The following DIP2C variants were observed in gnomAD, a reference collection of about 807,000 sequenced individuals.
DIP2C encodes the protein DIP2 acetate--CoA ligase C (putative), also known as disco-interacting protein 2 homolog C.
A neutral mutation model predicts 192.4 loss-of-function variants in DIP2C; 33 were observed. That is an observed-to-expected ratio of 0.17 (90% CI 0.13 to 0.23). The LOEUF is 0.23. Among genes scored for constraint, DIP2C ranks in the 10% least tolerant of loss-of-function variants. The pLI, the probability that DIP2C is intolerant of heterozygous loss-of-function variation, is 1.00. For missense variants in DIP2C, 1,537 were observed against 2,110.1 expected (o/e 0.73, Z 5.32); for synonymous variants, 979 against 864.1 (o/e 1.13, Z -2.33).
At chr10:549,806 A>C (rs1848494312) in intron 1 of DIP2C, among the ~76,000 whole-genome samples, 1 of 152,116 alleles carries the variant, frequency 6.6e-6, no homozygotes, top group Non-Finnish European at 1.5e-5. Context: ...TGTGAGTAAC[A>C]CTAGTCACTA....
intron 1 of DIP2C, among the ~76,000 whole-genome samples, chr10:501,933 C>T (rs150334727): frequency 3.3e-5 from 5 of 152,150 alleles, no homozygotes. Flanking sequence ...TCACTTGAGC[C>T]CAGGAGTCTA....
intron 31 of DIP2C, among the ~76,000 whole-genome samples, chr10:326,581 G>A (rs775148599): frequency 2.0e-5 from 3 of 152,212 alleles, no homozygotes; most frequent in Non-Finnish European, 4.4e-5. Context: ...GCGGCTTTGC[G>A]GTTTCTAAAA....
chr10:664,649 G>A (rs974115302), intron 1 of DIP2C: 11 of 152,100 alleles, frequency 7.2e-5, no homozygotes, highest in Non-Finnish European at 1.5e-4. Context: ...TTGTAAGGAT[G>A]ATTTTTTAAA....
intron 34 of DIP2C, among the ~76,000 whole-genome samples, chr10:286,035 T>C (rs1363128019): frequency 2.0e-5 from 3 of 152,232 alleles, no homozygotes; most frequent in East Asian, 3.8e-4. Flanking sequence ...TTTTCAGAAT[T>C]ATTTGAGGAC....
chr10:387,953 A>AG, intron 13 of DIP2C, 144 bp from the exon 14 acceptor site: 1 of 952,190 alleles, frequency 1.1e-6, no homozygotes, highest in Non-Finnish European at 1.6e-6. Flanking sequence ...GAAATTCTGT[A>AG]GACTCCAAGT....
rs140225183 is a variant in DIP2C at position 505,261 on chromosome 10, C to G, written c.86-18731G>C. Among the ~76,000 whole-genome samples the G allele has an allele frequency of 6.6e-4, 101 of 152,178 alleles. 1 individual carries two copies. The highest frequency in any genetic ancestry group is 2.3e-3 in the African/African-American group (95 of 41,494). On this transcript the variant is annotated intron_variant, in intron 1 of 36. Coordinates refer to ENST00000280886, the MANE Select transcript of DIP2C (RefSeq NM_014974.3). ...AGTCACTAACTTCCCAGCAGTGTCT[C>G]TAGTCCCTCTACAAGGATATACAGA...
chr10:673,819 G>C (rs1365130288), intron 1 of DIP2C, among the ~76,000 whole-genome samples: 1 of 152,214 alleles, frequency 6.6e-6, no homozygotes. Flanking sequence ...GCCGTCTCCT[G>C]CCCCAGGTGC....
intron 1 of DIP2C, among the ~76,000 whole-genome samples, chr10:544,376 G>A (rs749237983): frequency 3.2e-4 from 48 of 152,192 alleles, no homozygotes; most frequent in East Asian, 2.7e-3. Flanking sequence ...TCACTGTTAC[G>A]AATAATGCTG....
At chr10:661,812 G>A (rs753573164) in intron 1 of DIP2C, among the ~76,000 whole-genome samples, 5 of 152,116 alleles carry the variant, frequency 3.3e-5, no homozygotes, top group Non-Finnish European at 5.9e-5. Flanking sequence ...TTCCAAACTC[G>A]CAGCTTGCGG....
chr10:303,463 G>A (rs2132278454), intron 32 of DIP2C, among the ~76,000 whole-genome samples: 1 of 151,832 alleles, frequency 6.6e-6, no homozygotes, highest in East Asian at 1.9e-4. Context: ...AAAACATATT[G>A]TACAGCTGTA....
intron 4 of DIP2C, chr10:430,181 ATCT>A (rs1426847797): frequency 1.3e-5 from 2 of 152,174 alleles, no homozygotes; most frequent in African/African-American, 4.8e-5. Context: ...CCATCTTTAT[ATCT>A]TCTTAGATGA....
At chr10:565,117 T>C (rs1426493475) in intron 1 of DIP2C, among the ~76,000 whole-genome samples, 1 of 152,106 alleles carries the variant, frequency 6.6e-6, no homozygotes, top group Admixed American at 6.5e-5. Flanking sequence ...GTTAGGAAGC[T>C]TTCCATGGAG....
chr10:333,833 G>A (rs1176531455), intron 29 of DIP2C, among the ~76,000 whole-genome samples: 4 of 152,102 alleles, frequency 2.6e-5, no homozygotes, highest in Admixed American at 1.3e-4. Flanking sequence ...CTGTGTTTTC[G>A]GTGACAGCAT....
rs151116814 is a variant in DIP2C, at chr10:277,162, T to A, written c.*163A>T. On this transcript the variant is annotated 3_prime_UTR_variant, in exon 37 of 37. Coordinates refer to ENST00000280886, the MANE Select transcript of DIP2C (RefSeq NM_014974.3). ...AATTCACATTTCACCCCCATGCCAA[T>A]CGTGGCTGCTGTGAGAAGTCCTCTT... 2.1e-4 allele frequency: 218 copies of A among 1,021,892 alleles called. No homozygotes were observed. In the African/African-American group the frequency reaches 2.7e-3, roughly 13 times the overall value. 63.3% of individuals were successfully genotyped at this position (1,021,892 alleles called of 1,614,324 possible). A position where few individuals can be genotyped will look rare whatever the true frequency, so the allele number is the denominator to read the frequency against.
chr10:479,455 T>A (rs376611521), intron 2 of DIP2C, among the ~76,000 whole-genome samples: 23 of 151,324 alleles, frequency 1.5e-4, no homozygotes, highest in African/African-American at 5.6e-4. Flanking sequence ...TACCTCAGCG[T>A]CCCGAGGAGC....
At chr10:301,707 G>A (rs1195853319) in intron 32 of DIP2C, among the ~76,000 whole-genome samples, 1 of 152,234 alleles carries the variant, frequency 6.6e-6, no homozygotes, top group East Asian at 1.9e-4. Context: ...GGAGGGGCAG[G>A]ACCCGGGAGC....
At chr10:405,091 C>T (rs1269074324) in intron 9 of DIP2C, among the ~76,000 whole-genome samples, 2 of 152,196 alleles carry the variant, frequency 1.3e-5, no homozygotes, top group Non-Finnish European at 2.9e-5. Context: ...TTCATGAGAA[C>T]ATGTTCAGTT....
intron 1 of DIP2C, among the ~76,000 whole-genome samples, chr10:529,593 C>T (rs1847254690): frequency 6.6e-6 from 1 of 152,154 alleles, no homozygotes; most frequent in Non-Finnish European, 1.5e-5. Flanking sequence ...ATCCTAAACA[C>T]CGTAAAACAG....
intron 1 of DIP2C, among the ~76,000 whole-genome samples, chr10:642,017 T>A (rs1277706152): frequency 1.3e-5 from 2 of 152,068 alleles, no homozygotes; most frequent in Non-Finnish European, 2.9e-5. Flanking sequence ...GGCGAGACCC[T>A]GTATCAAAAA....
Sources: allele counts gnomAD v4.1 joint callset (sites outside exome capture counted in the v4.1 genomes callset), GRCh38; gene constraint gnomAD v4.1.1; transcripts MANE v1.5; gene names NCBI Gene and HGNC (gene_info 2026-07-23, HGNC 2026-07-21).